ZNF431: variants seen among roughly 807,000 people sequenced by gnomAD.
ZNF431 encodes the protein zinc finger protein 431.
In ZNF431, 34 loss-of-function variants were observed where a neutral mutation model predicts 57.0. The ratio of observed to expected loss-of-function variants is 0.60; its 90% CI spans 0.45 to 0.79. ZNF431 has a LOEUF of 0.79. ZNF431 is among the 30% of genes least tolerant of loss of function. The probability of loss-of-function intolerance (pLI) is 0.00; values close to 1 mark genes in which losing one functional copy is unlikely to be tolerated. For missense variants in ZNF431, 607 were observed against 667.1 expected (o/e 0.91, Z 0.99); for synonymous variants, 207 against 220.3 (o/e 0.94, Z 0.54).
rs775982064 is a variant in ZNF431, at chr19:21,183,880, C to T, written c.1577C>T (p.Thr526Ile). The T allele has an allele frequency of 1.2e-6, 2 of 1,613,886 alleles. No homozygotes were observed. The highest frequency in any genetic ancestry group is 1.7e-6 in the Non-Finnish European group (2 of 1,179,850). The change falls in exon 5 of 5, where the codon ACT (threonine) becomes ATT (isoleucine). Residue 526 changes from threonine to isoleucine, a missense_variant. Thr to Ile is a moderately conservative substitution (Grantham distance 89, BLOSUM62 -1). Coordinates refer to ENST00000311048, the MANE Select transcript of ZNF431 (RefSeq NM_133473.4). ...ECGKAFNQSS[T>I]LTKHRKIHTR... ...GGTAAAGCCTTTAACCAATCCTCAA[C>T]TCTTACTAAACATAGGAAAATTCAT...
Position 21,182,729 on chromosome 19 carries a change from A to G in ZNF431, c.426A>G (p.Leu142=), listed in dbSNP as rs1971241283. The G allele has an allele frequency of 6.2e-7, 1 of 1,613,944 alleles. No homozygotes were observed. Among genetic ancestry groups the G allele is most frequent in the Admixed American group, 1.7e-5 (1 of 60,018 alleles). ...ATGGCAAATGTGAACATGAGAATTT[A>G]CAGTTAAGAAAAGGCTCCGCAAGTG... ...RRYGKCEHEN[L]QLRKGSASVD... The change falls in exon 5 of 5, where the codon TTA becomes TTG. Residue 142 remains leucine (L), a synonymous_variant. Transcript: ENST00000311048.
rs1012635445 is a variant in ZNF431, at chr19:21,190,163, G to A, written c.*6129G>A. ...CATCCTGGGCAACAGAGTGAGACTC[G>A]GTCTCAAGAGGGAAAATAAGGCATT... On this transcript the variant is annotated 3_prime_UTR_variant, in exon 5 of 5. Coordinates refer to ENST00000311048, the MANE Select transcript of ZNF431 (RefSeq NM_133473.4). The A allele has an allele frequency of 1.5e-5, 5 of 340,060 alleles. No individual in the cohort carries two copies. Among genetic ancestry groups the A allele is most frequent in the African/African-American group, 2.1e-5 (1 of 47,188 alleles). 21.1% of individuals were successfully genotyped at this position (340,060 alleles called of 1,614,324 possible). A position where few individuals can be genotyped will look rare whatever the true frequency, so the allele number is the denominator to read the frequency against.
chr19:21,184,922 G>C lies in ZNF431; in HGVS notation c.*888G>C, dbSNP rs2145059191. On this transcript the variant is annotated 3_prime_UTR_variant, in exon 5 of 5. Coordinates refer to ENST00000311048, the MANE Select transcript of ZNF431 (RefSeq NM_133473.4). ...TACTTGTATCACAGATCTTTTTGTAGACATTTTCTTCTAGAGGAAAACTCT... is the reference window on the plus strand; with the variant it reads ...TACTTGTATCACAGATCTTTTTGTACACATTTTCTTCTAGAGGAAAACTCT... The C allele has an allele frequency of 6.6e-6, 1 of 152,176 alleles. No individual in the cohort carries two copies. The highest frequency in any genetic ancestry group is 1.9e-4 in the East Asian group (1 of 5,190). The allele number at this position is 152,176 out of a possible 1,614,324, so 9.4% of individuals were successfully genotyped here.
chr19:21,189,870 G>A lies in ZNF431; in HGVS notation c.*5836G>A, dbSNP rs1161823833. On this transcript the variant is annotated 3_prime_UTR_variant, in exon 5 of 5. Coordinates refer to ENST00000311048, the MANE Select transcript of ZNF431 (RefSeq NM_133473.4). ...GTTTTTGTTTTTTTTTTAAGGCCAGGAGTGGTGGCTCACACCTGTAATCCC... is the reference window on the plus strand; with the variant it reads ...GTTTTTGTTTTTTTTTTAAGGCCAGAAGTGGTGGCTCACACCTGTAATCCC... 2 of 397,874 alleles carry A rather than the reference G, an allele frequency of 5.0e-6. No individual in the cohort carries two copies. Among genetic ancestry groups the A allele is most frequent in the Non-Finnish European group, 8.8e-6 (2 of 226,036 alleles). 24.6% of individuals were successfully genotyped at this position (397,874 alleles called of 1,614,324 possible). A position where few individuals can be genotyped will look rare whatever the true frequency, so the allele number is the denominator to read the frequency against.
At chr19:21,180,240 G>A (rs951291636) in intron 4 of ZNF431, among the ~76,000 whole-genome samples, 4 of 152,126 alleles carry the variant, frequency 2.6e-5, no homozygotes, top group African/African-American at 7.2e-5. Context: ...TGCTTATTTT[G>A]CAGAGTTGTT....
intron 4 of ZNF431, among the ~76,000 whole-genome samples, chr19:21,177,795 A>T (rs533989274): frequency 6.6e-6 from 1 of 152,224 alleles, no homozygotes; most frequent in South Asian, 2.1e-4. Context: ...CTCAAAAAAC[A>T]AAAAGAATTA....
At chr19:21,170,653 T>G (rs770453968) in intron 4 of ZNF431, among the ~76,000 whole-genome samples, 19 of 151,294 alleles carry the variant, frequency 1.3e-4, no homozygotes, top group Non-Finnish European at 2.2e-4. Flanking sequence ...TTTCTTTTCT[T>G]TTCTTTTTTT....
In ZNF431 at chr19:21,183,979, A is replaced by G; in HGVS notation, c.1676A>G (p.Asn559Ser). 6.3e-7 allele frequency: 1 copy of G among 1,592,504 alleles called. No individual in the cohort carries two copies. The highest frequency in any genetic ancestry group is 8.5e-7 in the Non-Finnish European group (1 of 1,172,308). ...FNQSSNLIKQNNSYWRETLQM... is the reference protein window; with the variant it reads ...FNQSSNLIKQSNSYWRETLQM... Reference sequence around the variant, plus strand: ...CAGTCCTCAAACCTTATTAAACAAAATAATTCATACTGGAGAGAAACTCTA... The same window carrying G: ...CAGTCCTCAAACCTTATTAAACAAAGTAATTCATACTGGAGAGAAACTCTA... Residue 559 changes from asparagine to serine, a missense_variant, in exon 5 of 5, where the codon AAT becomes AGT. Asn to Ser is a conservative substitution (Grantham distance 46). Coordinates refer to ENST00000311048, the MANE Select transcript of ZNF431 (RefSeq NM_133473.4).
At chr19:21,156,939 T>C (rs1970432482) in intron 2 of ZNF431, among the ~76,000 whole-genome samples, 1 of 152,106 alleles carries the variant, frequency 6.6e-6, no homozygotes, top group Non-Finnish European at 1.5e-5. Flanking sequence ...CATGCCCAGC[T>C]AACTTCTTTT....
chr19:21,183,135 CATAAG>C lies in ZNF431; in HGVS notation c.837_841del (p.Lys279AsnfsTer9). ...TAAGCAGTCCTCAACCCTTACTACA[CATAAG>C]ATAATTCATACTGGGGAGAAACCAT... is the stretch of plus-strand genomic sequence containing the variant. On this transcript the variant is annotated frameshift_variant, in exon 5 of 5. Coordinates refer to ENST00000311048, the MANE Select transcript of ZNF431 (RefSeq NM_133473.4). LOFTEE classifies it high-confidence loss of function. The C allele has an allele frequency of 6.2e-7, 1 of 1,613,954 alleles. No homozygotes were observed. Among genetic ancestry groups the C allele is most frequent in the Non-Finnish European group, 8.5e-7 (1 of 1,179,944 alleles).
intron 2 of ZNF431, chr19:21,150,346 C>A: frequency 2.6e-6 from 1 of 387,228 alleles, no homozygotes; most frequent in Non-Finnish European, 4.9e-6. Context: ...TTTTCTCAAA[C>A]AGGAAATTCA....
intron 4 of ZNF431, among the ~76,000 whole-genome samples, chr19:21,174,276 T>A (rs989757319): frequency 6.6e-6 from 1 of 152,208 alleles, no homozygotes; most frequent in Non-Finnish European, 1.5e-5. Flanking sequence ...CTATAATGCC[T>A]GTTTTCTGTT....
chr19:21,173,962 T>C (rs1970978203), intron 4 of ZNF431, among the ~76,000 whole-genome samples: 1 of 151,870 alleles, frequency 6.6e-6, no homozygotes, highest in African/African-American at 2.4e-5. Flanking sequence ...TTTTTCTTTT[T>C]TTTTTGGGAG....
chr19:21,146,597 T>C (rs1018983720), intron 2 of ZNF431, among the ~76,000 whole-genome samples: 33 of 152,168 alleles, frequency 2.2e-4, no homozygotes, highest in Non-Finnish European at 1.5e-5. Context: ...TCCTAATGTT[T>C]CCATATTTGT....
At chr19:21,176,733 T>C (rs60870377) in intron 4 of ZNF431, among the ~76,000 whole-genome samples, 26,153 of 152,108 alleles carry the variant, frequency 0.17, 2,673 homozygotes, top group African/African-American at 0.28. Flanking sequence ...AGTCCTGCTC[T>C]GTCACCCAGG....
chr19:21,180,573 T>A (rs559016286), intron 4 of ZNF431, among the ~76,000 whole-genome samples: 178 of 148,992 alleles, frequency 1.2e-3, no homozygotes, highest in Middle Eastern at 0.011. Context: ...TTTTGTGTAC[T>A]TACGCAAACG....
At chr19:21,175,526 C>A in intron 4 of ZNF431, 1 of 665,950 alleles carries the variant, frequency 1.5e-6, no homozygotes, top group South Asian at 1.7e-5. Flanking sequence ...ACCTATTAAC[C>A]TCTCACCTCG....
chr19:21,160,569 A>C (rs1970542561), intron 2 of ZNF431, among the ~76,000 whole-genome samples: 1 of 152,172 alleles, frequency 6.6e-6, no homozygotes, highest in Non-Finnish European at 1.5e-5. Context: ...GAGTCTCTCC[A>C]TCCTGGCTTA....
chr19:21,182,480 T>C, intron 4 of ZNF431, 143 bp from the exon 5 acceptor site: 1 of 946,974 alleles, frequency 1.1e-6, no homozygotes. Context: ...TTATTAGATT[T>C]ATATGTCTAT....
Sources: gnomAD v4.1 joint callset for allele counts (sites outside exome capture counted in the v4.1 genomes callset) on GRCh38, gnomAD v4.1.1 for gene constraint, MANE v1.5 for transcripts, NCBI Gene and HGNC (gene_info 2026-07-23, HGNC 2026-07-21) for gene names.